STPG2: variants seen among roughly 807,000 people sequenced by gnomAD.
The protein encoded by STPG2 is sperm-tail PG-rich repeat-containing protein 2.
A neutral mutation model predicts 54.2 loss-of-function variants in STPG2; 56 were observed. That is an observed-to-expected ratio of 1.03 (90% CI 0.83 to 1.29). The LOEUF (loss-of-function observed/expected upper bound fraction) is 1.29. STPG2 is among the 50% of genes most tolerant of loss of function. The probability of loss-of-function intolerance (pLI) is 0.00; values close to 1 mark genes in which losing one functional copy is unlikely to be tolerated. For missense variants in STPG2, 596 were observed against 544.9 expected (o/e 1.09, Z -0.93); for synonymous variants, 200 against 181.8 (o/e 1.10, Z -0.81).
intron 5 of STPG2, among the ~76,000 whole-genome samples, chr4:97,984,690 C>CAAAAGATAAATA (rs1326674385): frequency 3.9e-5 from 6 of 151,946 alleles, no homozygotes; most frequent in Non-Finnish European, 8.8e-5. Flanking sequence ...GAAATCTTTC[C>CAAAAGATAAATA]AAAAGATAAA....
chr4:97,984,080 T>C (rs1171655996), intron 5 of STPG2, among the ~76,000 whole-genome samples: 1 of 152,094 alleles, frequency 6.6e-6, no homozygotes, highest in Non-Finnish European at 1.5e-5. Flanking sequence ...TATTCTAAGA[T>C]AGTTTTATAA....
At chr4:97,894,212 T>C (rs1291980166) in intron 8 of STPG2, among the ~76,000 whole-genome samples, 1 of 151,960 alleles carries the variant, frequency 6.6e-6, no homozygotes, top group Non-Finnish European at 1.5e-5. Flanking sequence ...ATTTTTCACA[T>C]GCCTTTTTTG....
At chr4:97,486,804 GGT>G (rs546341277) in intron 4 of STPG2, among the ~76,000 whole-genome samples, 57,924 of 130,620 alleles carry the variant, frequency 0.44, 14,248 homozygotes, top group Non-Finnish European at 0.56. Flanking sequence ...AAGAAACTGT[GGT>G]GTGTGTGTGT....
intron 10 of STPG2, among the ~76,000 whole-genome samples, chr4:97,613,681 T>C (rs1733789011): frequency 6.6e-6 from 1 of 152,090 alleles, no homozygotes; most frequent in African/African-American, 2.4e-5. Context: ...TCTGAACTGA[T>C]GTATATTTAT....
intron 10 of STPG2, among the ~76,000 whole-genome samples, chr4:97,687,097 C>T (rs58764623): frequency 0.018 from 2,702 of 151,664 alleles, 76 homozygotes; most frequent in African/African-American, 0.062. Flanking sequence ...CTGGCCACCA[C>T]GCCTGGCTAA....
Position 98,128,516 on chromosome 4 carries a change from T to C in STPG2, c.299A>G (p.Tyr100Cys), listed in dbSNP as rs1739893977. 6.2e-7 allele frequency: 1 copy of C among 1,613,690 alleles called. No homozygotes were observed. The highest frequency in any genetic ancestry group is 2.2e-5 in the East Asian group (1 of 44,812). Reference protein sequence around the residue: ...SIPSCGKSYGYHINDDGSIIK... With the variant: ...SIPSCGKSYGCHINDDGSIIK... Reference sequence around the variant, plus strand: ...AATACTGCCATCATCATTAATATGATAACCATATGACTTTCCACAAGAAGG... The same window carrying C: ...AATACTGCCATCATCATTAATATGACAACCATATGACTTTCCACAAGAAGG... Residue 100 changes from tyrosine to cysteine, a missense_variant, in exon 3 of 11, where the codon TAT becomes TGT. Physicochemically the swap from Tyr to Cys is radical, Grantham distance 194. Coordinates refer to ENST00000295268, the MANE Select transcript of STPG2 (RefSeq NM_174952.3).
chr4:97,905,686 T>A (rs1326332411), intron 8 of STPG2, among the ~76,000 whole-genome samples: 1 of 152,094 alleles, frequency 6.6e-6, no homozygotes, highest in Admixed American at 6.5e-5. Context: ...TCAAGATCCA[T>A]CAGTGTGCTG....
intron 8 of STPG2, among the ~76,000 whole-genome samples, chr4:97,867,256 T>C (rs1250655165): frequency 6.6e-6 from 1 of 152,008 alleles, no homozygotes; most frequent in African/African-American, 2.4e-5. Context: ...CTTTGGTATT[T>C]TGCTGTCTCA....
chr4:97,863,914 C>T (rs915111200), intron 8 of STPG2, among the ~76,000 whole-genome samples: 1 of 152,140 alleles, frequency 6.6e-6, no homozygotes, highest in East Asian at 1.9e-4. Context: ...ATGCTAAAAA[C>T]TCTCAATAAA....
intron 8 of STPG2, among the ~76,000 whole-genome samples, chr4:97,845,773 A>AT (rs1288917480): frequency 6.6e-6 from 1 of 152,208 alleles, no homozygotes; most frequent in Non-Finnish European, 1.5e-5. Context: ...AGAGATTGGT[A>AT]ATAATAGGAG....
intron 7 of STPG2, among the ~76,000 whole-genome samples, chr4:97,960,546 A>C (rs1455282016): frequency 6.6e-6 from 1 of 152,152 alleles, no homozygotes; most frequent in Admixed American, 6.5e-5. Context: ...GCTCTTCTAT[A>C]TACCAACAGT....
At chr4:97,709,661 T>C (rs1171837106) in intron 10 of STPG2, among the ~76,000 whole-genome samples, 1 of 151,794 alleles carries the variant, frequency 6.6e-6, no homozygotes, top group Admixed American at 6.6e-5. Context: ...CTGTATAATT[T>C]AAATTTCAGA....
At chr4:97,599,322 G>A (rs909596042) in intron 10 of STPG2, among the ~76,000 whole-genome samples, 1 of 152,190 alleles carries the variant, frequency 6.6e-6, no homozygotes, top group African/African-American at 2.4e-5. Context: ...AAGCCCTTGT[G>A]GAAAGCAGTG....
intron 8 of STPG2, among the ~76,000 whole-genome samples, chr4:97,852,967 CTTTTTT>C (rs574886386): frequency 4.3e-5 from 3 of 69,630 alleles, no homozygotes; most frequent in African/African-American, 1.3e-4. Context: ...AACATATTTT[CTTTTTT>C]TTTTTTTTTT....
intron 5 of STPG2, among the ~76,000 whole-genome samples, chr4:98,091,904 G>A (rs1421700314): frequency 3.3e-5 from 5 of 151,922 alleles, no homozygotes; most frequent in Non-Finnish European, 7.4e-5. Context: ...AGTATGTGAT[G>A]GAGCAAGAAA....
At chr4:97,472,480 G>A (rs1729961383) in intron 4 of STPG2, among the ~76,000 whole-genome samples, 2 of 152,184 alleles carry the variant, frequency 1.3e-5, no homozygotes, top group Admixed American at 6.5e-5. Flanking sequence ...TCTTAGCAAG[G>A]CCTGCTCTCA....
At chr4:97,601,888 C>T (rs1733471992) in intron 10 of STPG2, among the ~76,000 whole-genome samples, 1 of 151,848 alleles carries the variant, frequency 6.6e-6, no homozygotes, top group South Asian at 2.1e-4. Flanking sequence ...AGAATTGAAA[C>T]TTGAGAATCT....
intron 10 of STPG2, among the ~76,000 whole-genome samples, chr4:97,619,710 A>G (rs1733962014): frequency 6.6e-6 from 1 of 152,080 alleles, no homozygotes; most frequent in South Asian, 2.1e-4. Context: ...AGTCATTCCA[A>G]GAAGCTTCGA....
chr4:97,599,146 G>GA (rs1430058011), intron 10 of STPG2, among the ~76,000 whole-genome samples: 1 of 152,062 alleles, frequency 6.6e-6, no homozygotes, highest in Non-Finnish European at 1.5e-5. Flanking sequence ...GCAAGCATAT[G>GA]AAAAAAACAC....
Sources: gnomAD v4.1 joint callset for allele counts (sites outside exome capture counted in the v4.1 genomes callset) on GRCh38, gnomAD v4.1.1 for gene constraint, MANE v1.5 for transcripts, NCBI Gene and HGNC (gene_info 2026-07-23, HGNC 2026-07-21) for gene names.